Variants in GLTPD2 observed in about 807,000 individuals in gnomAD.
GLTPD2 encodes glycolipid transfer protein domain-containing protein 2.
A neutral mutation model predicts 12.9 loss-of-function variants in GLTPD2; 12 were observed. The observed-to-expected ratio is 0.93, with a 90% confidence interval of 0.59 to 1.50. The LOEUF (loss-of-function observed/expected upper bound fraction) is 1.50. Among genes scored for constraint, GLTPD2 ranks in the 40% most tolerant of loss-of-function variants. The probability of loss-of-function intolerance (pLI) is 0.00; values close to 1 mark genes in which losing one functional copy is unlikely to be tolerated. For missense variants in GLTPD2, 450 were observed against 426.2 expected (o/e 1.06, Z -0.49); for synonymous variants, 199 against 205.6 (o/e 0.97, Z 0.27).
Position 4,790,164 on chromosome 17 carries a change from G to A in GLTPD2, c.744G>A (p.Leu248=), listed in dbSNP as rs757271710. ...FLAFPGRRRL[L]ELACPGATEA... is the part of the protein sequence containing the mutation. ...CCTTCCCGGGTCGCCGCCGCCTGCT[G>A]GAGCTGGCGTGTCCCGGAGCCACCG... Residue 248 remains leucine (L), a synonymous_variant, in exon 4 of 4, where the codon CTG becomes CTA. Coordinates refer to ENST00000331264, the MANE Select transcript of GLTPD2 (RefSeq NM_001014985.3). 6.8e-7 allele frequency: 1 copy of A among 1,466,454 alleles called. No individual in the cohort carries two copies. Among genetic ancestry groups the A allele is most frequent in the South Asian group, 1.3e-5 (1 of 75,536 alleles). 90.8% of individuals were successfully genotyped at this position (1,466,454 alleles called of 1,614,324 possible).
Position 4,790,433 on chromosome 17 carries a change from C to A in GLTPD2, c.*137C>A. The A allele has an allele frequency of 1.6e-6, 1 of 630,228 alleles. No homozygotes were observed. Among genetic ancestry groups the A allele is most frequent in the Non-Finnish European group, 2.3e-6 (1 of 425,774 alleles). The allele number at this position is 630,228 out of a possible 1,614,324, so 39.0% of individuals were successfully genotyped here. A position where few individuals can be genotyped will look rare whatever the true frequency, so the allele number is the denominator to read the frequency against. On this transcript the variant is annotated 3_prime_UTR_variant, in exon 4 of 4. Coordinates refer to ENST00000331264, the MANE Select transcript of GLTPD2 (RefSeq NM_001014985.3). The stretch of plus-strand genomic sequence containing the variant: ...TCCGTGACGTCGCCGCGGCGAGGGC[C>A]GCCCCCGGCAGGGAATGGCGTTGAG...
Position 4,789,821 on chromosome 17 carries a change from C to T in GLTPD2, c.401C>T (p.Thr134Ile), listed in dbSNP as rs1370051736. The T allele has an allele frequency of 3.1e-6, 5 of 1,611,294 alleles. No individual in the cohort carries two copies. The South Asian group carries it at 4.4e-5, about 14-fold the overall frequency. ...FATREAFTKVTDLEARVHGPD... is the reference protein window; with the variant it reads ...FATREAFTKVIDLEARVHGPD... ...ACTAGGGAGGCCTTCACCAAGGTGA[C>T]AGACCTGGAGGCTCGGGTGCACGGC... Residue 134 changes from threonine to isoleucine, a missense_variant, in exon 4 of 4, where the codon ACA (threonine) becomes ATA (isoleucine). Transcript: ENST00000331264.
In GLTPD2 at chr17:4,790,405, T is replaced by A. The variant is rs1917641671; in HGVS notation, c.*109T>A. On this transcript the variant is annotated 3_prime_UTR_variant, in exon 4 of 4. Coordinates refer to ENST00000331264, the MANE Select transcript of GLTPD2 (RefSeq NM_001014985.3). The stretch of plus-strand genomic sequence containing the variant: ...GCCGCGGCCGCCTCCGTATCCCGCC[T>A]CTTCCGTGACGTCGCCGCGGCGAGG... The A allele has an allele frequency of 1.1e-6, 1 of 917,636 alleles. No homozygotes were observed. The highest frequency in any genetic ancestry group is 1.7e-5 in the African/African-American group (1 of 57,424). 56.8% of individuals were successfully genotyped at this position (917,636 alleles called of 1,614,324 possible).
chr17:4,790,038 A>G lies in GLTPD2; in HGVS notation c.618A>G (p.Gly206=), dbSNP rs113983501. 1.2e-5 allele frequency: 17 copies of G among 1,436,022 alleles called. No individual in the cohort carries two copies. Among genetic ancestry groups the G allele is most frequent in the Middle Eastern group, 2.3e-4 (1 of 4,352 alleles). 89.0% of individuals were successfully genotyped at this position (1,436,022 alleles called of 1,614,324 possible). Residue 206 remains glycine, a synonymous_variant, in exon 4 of 4, where the codon GGA becomes GGG. Transcript: ENST00000331264. ...ACCGGGTGGCGACCGGCGCGCTGGGAGGCCCGGACGCGGGCGTGCAGTGCA... is the reference window on the plus strand; with the variant it reads ...ACCGGGTGGCGACCGGCGCGCTGGGGGGCCCGGACGCGGGCGTGCAGTGCA... ...CLHRVATGAL[G]GPDAGVQCSD...
In GLTPD2 at chr17:4,790,515, A is replaced by G. The variant is rs907379202; in HGVS notation, c.*219A>G. 7.4e-6 allele frequency: 3 copies of G among 403,272 alleles called. No individual in the cohort carries two copies. The highest frequency in any genetic ancestry group is 6.4e-4 in the Middle Eastern group (1 of 1,558). The allele number at this position is 403,272 out of a possible 1,614,324, so 25.0% of individuals were successfully genotyped here. A position where few individuals can be genotyped will look rare whatever the true frequency, so the allele number is the denominator to read the frequency against. On this transcript the variant is annotated 3_prime_UTR_variant, in exon 4 of 4. Coordinates refer to ENST00000331264, the MANE Select transcript of GLTPD2 (RefSeq NM_001014985.3). ...AGGAGCTGTGAGGAATAAAAAAGCA[A>G]TATTTGGCAGCGTCGACGTAGGGCG...
In GLTPD2 at chr17:4,790,120, G is replaced by A; in HGVS notation, c.700G>A (p.Ala234Thr). The A allele has an allele frequency of 2.1e-6, 3 of 1,439,880 alleles. No individual in the cohort carries two copies. The highest frequency in any genetic ancestry group is 1.8e-6 in the Non-Finnish European group (2 of 1,106,914). 89.2% of individuals were successfully genotyped at this position (1,439,880 alleles called of 1,614,324 possible). The change falls in exon 4 of 4, where the codon GCC (alanine) becomes ACC (threonine). Residue 234 changes from alanine to threonine, a missense_variant. Physicochemically the swap from Ala to Thr is moderately conservative, Grantham distance 58. Coordinates refer to ENST00000331264, the MANE Select transcript of GLTPD2 (RefSeq NM_001014985.3). ...TCACCCCTGGCTGGTCCGACAGACC[G>A]CCCGCCTCGCCTTCCTCGCCTTCCC... ...PHHPWLVRQT[A>T]RLAFLAFPGR...
chr17:4,789,406 G>C, intron 2 of GLTPD2, 105 bp from the exon 3 acceptor site: 13 of 1,514,308 alleles, frequency 8.6e-6, no homozygotes, highest in Non-Finnish European at 1.2e-5. Context: ...ACCCTCTCCC[G>C]TCGGAAGCTG....
intron 2 of GLTPD2, 92 bp from the exon 3 acceptor site, chr17:4,789,419 C>T: frequency 6.6e-7 from 1 of 1,517,304 alleles, no homozygotes; most frequent in East Asian, 2.3e-5. Flanking sequence ...GGAAGCTGAG[C>T]GCACAGCAGA....
In GLTPD2 at chr17:4,790,436, C is replaced by T. The variant is rs1477176596; in HGVS notation, c.*140C>T. ...GTGACGTCGCCGCGGCGAGGGCCGC[C>T]CCCGGCAGGGAATGGCGTTGAGCTC... On this transcript the variant is annotated 3_prime_UTR_variant, in exon 4 of 4. Transcript: ENST00000331264. 8 of 598,504 alleles carry T rather than the reference C, an allele frequency of 1.3e-5. No individual in the cohort carries two copies. Among genetic ancestry groups the T allele is most frequent in the South Asian group, 4.3e-5 (1 of 23,292 alleles). The allele number at this position is 598,504 out of a possible 1,614,324, so 37.1% of individuals were successfully genotyped here.
intron 1 of GLTPD2, 27 bp downstream of exon 1, chr17:4,789,144 C>G (rs1443643814): frequency 1.2e-6 from 2 of 1,611,424 alleles, no homozygotes; most frequent in Non-Finnish European, 1.7e-6. Context: ...CTCACTTGCT[C>G]CGGGAGGAAG....
chr17:4,789,741 A>C lies in GLTPD2; in HGVS notation c.339-18A>C. ...TTGGCGGCTCCATCTCCATTCTCTC[A>C]AATCGTCTCGCCCGCAGGTTCCTGA... On this transcript the variant is annotated intron_variant, in intron 3 of 3. Coordinates refer to ENST00000331264, the MANE Select transcript of GLTPD2 (RefSeq NM_001014985.3). The C allele has an allele frequency of 6.2e-7, 1 of 1,613,470 alleles. No homozygotes were observed. Among genetic ancestry groups the C allele is most frequent in the East Asian group, 2.2e-5 (1 of 44,846 alleles).
rs555763333 is a variant in GLTPD2 at position 4,789,072 on chromosome 17, G to T, written c.61G>T (p.Ala21Ser). ...CTGGTTCAGCCACTCAATTCCTCTC[G>T]CTATCTTCGCGCTGCTGCTGCTTTA... Reference protein sequence around the residue: ...RHWFSHSIPLAIFALLLLYLS... With the variant: ...RHWFSHSIPLSIFALLLLYLS... The change falls in exon 1 of 4, where the codon GCT (alanine) becomes TCT (serine). Residue 21 changes from alanine (A) to serine (S), a missense_variant. Coordinates refer to ENST00000331264, the MANE Select transcript of GLTPD2 (RefSeq NM_001014985.3). The T allele has an allele frequency of 1.2e-6, 2 of 1,613,940 alleles. No individual in the cohort carries two copies. The highest frequency in any genetic ancestry group is 1.7e-6 in the Non-Finnish European group (2 of 1,179,908).
At position 4,790,570 on chromosome 17, in the gene GLTPD2, GA is replaced by G. The variant is rs757382472; in HGVS notation, c.*277del. Reference sequence around the variant, plus strand: ...GTGTGATGACGACAGGCGCTTAAGGGAAATAAAAAACGAAGGTGAGAAGATG... The same window carrying G: ...GTGTGATGACGACAGGCGCTTAAGGGAATAAAAAACGAAGGTGAGAAGATG... On this transcript the variant is annotated 3_prime_UTR_variant, in exon 4 of 4. Coordinates refer to ENST00000331264, the MANE Select transcript of GLTPD2 (RefSeq NM_001014985.3). Among the ~76,000 whole-genome samples the G allele has an allele frequency of 9.9e-5, 15 of 152,082 alleles. No individual in the cohort carries two copies. Among genetic ancestry groups the G allele is most frequent in the Non-Finnish European group, 1.6e-4 (11 of 67,998 alleles).
At position 4,790,115 on chromosome 17, in the gene GLTPD2, A is replaced by C; in HGVS notation, c.695A>C (p.Gln232Pro). 2 of 1,437,248 alleles carry C rather than the reference A, an allele frequency of 1.4e-6. No individual in the cohort carries two copies. The highest frequency in any genetic ancestry group is 1.8e-6 in the Non-Finnish European group (2 of 1,105,606). 89.0% of individuals were successfully genotyped at this position (1,437,248 alleles called of 1,614,324 possible). A position where few individuals can be genotyped will look rare whatever the true frequency, so the allele number is the denominator to read the frequency against. Residue 232 changes from glutamine to proline, a missense_variant, in exon 4 of 4, where the codon CAG (glutamine) becomes CCG (proline). Physicochemically the swap from Gln to Pro is moderately conservative, Grantham distance 76. Transcript: ENST00000331264. ...CCGCATCACCCCTGGCTGGTCCGAC[A>C]GACCGCCCGCCTCGCCTTCCTCGCC... is the stretch of plus-strand genomic sequence containing the variant. Reference protein sequence around the residue: ...LGPHHPWLVRQTARLAFLAFP... With the variant: ...LGPHHPWLVRPTARLAFLAFP...
At position 4,789,219 on chromosome 17, in the gene GLTPD2, T is replaced by C; in HGVS notation, c.107-7T>C. 1 of 1,598,188 alleles carries C rather than the reference T, an allele frequency of 6.3e-7. No individual in the cohort carries two copies. Among genetic ancestry groups the C allele is most frequent in the Non-Finnish European group, 8.5e-7 (1 of 1,171,526 alleles). Reference sequence around the variant, plus strand: ...AGCCCTCACCGCTCCGCTTCTCCTCTACCCAGGCGCCCGCTCGGGCTGCGG... The same window carrying C: ...AGCCCTCACCGCTCCGCTTCTCCTCCACCCAGGCGCCCGCTCGGGCTGCGG... On this transcript the variant is annotated splice_region_variant and splice_polypyrimidine_tract_variant and intron_variant, in intron 1 of 3. Transcript: ENST00000331264.
At position 4,789,779 on chromosome 17, in the gene GLTPD2, C is replaced by T. The variant is rs1300220377; in HGVS notation, c.359C>T (p.Ser120Phe). ...CGCAGGTTCCTGACTCCCCTCGGCTCCGTCTTCGCCTTCGCCACTAGGGAG... is the reference window on the plus strand; with the variant it reads ...CGCAGGTTCCTGACTCCCCTCGGCTTCGTCTTCGCCTTCGCCACTAGGGAG... ...ALVEFLTPLG[S>F]VFAFATREAF... Residue 120 changes from serine (S) to phenylalanine (F), a missense_variant, in exon 4 of 4, where the codon TCC becomes TTC. Coordinates refer to ENST00000331264, the MANE Select transcript of GLTPD2 (RefSeq NM_001014985.3). The T allele has an allele frequency of 6.2e-7, 1 of 1,613,294 alleles. No homozygotes were observed. Among genetic ancestry groups the T allele is most frequent in the South Asian group, 1.1e-5 (1 of 90,956 alleles).
Position 4,790,299 on chromosome 17 carries a change from C to A in GLTPD2, c.*3C>A. The A allele has an allele frequency of 2.0e-6, 3 of 1,464,118 alleles. No homozygotes were observed. The highest frequency in any genetic ancestry group is 3.0e-5 in the East Asian group (1 of 33,162). The allele number at this position is 1,464,118 out of a possible 1,614,324, so 90.7% of individuals were successfully genotyped here. A position where few individuals can be genotyped will look rare whatever the true frequency, so the allele number is the denominator to read the frequency against. On this transcript the variant is annotated 3_prime_UTR_variant, in exon 4 of 4. Coordinates refer to ENST00000331264, the MANE Select transcript of GLTPD2 (RefSeq NM_001014985.3). ...GCGGCCTGCTCCAGCTGGCCTAAGACGGCGGCTGCGGGGACCGGCGGGAAC... is the reference window on the plus strand; with the variant it reads ...GCGGCCTGCTCCAGCTGGCCTAAGAAGGCGGCTGCGGGGACCGGCGGGAAC...
At chr17:4,789,317 G>A in intron 2 of GLTPD2, 27 bp downstream of exon 2, 1 of 1,552,656 alleles carries the variant, frequency 6.4e-7, no homozygotes, top group Middle Eastern at 1.8e-4. Context: ...ATTGGGCGCG[G>A]GCGCTCCAGG....
In GLTPD2 at chr17:4,790,070, C is replaced by T. The variant is rs1194270383; in HGVS notation, c.650C>T (p.Ala217Val). The change falls in exon 4 of 4, where the codon GCC becomes GTC. Residue 217 changes from alanine (A) to valine (V), a missense_variant. Coordinates refer to ENST00000331264, the MANE Select transcript of GLTPD2 (RefSeq NM_001014985.3). ...GPDAGVQCSD[A>V]YRAALGPHHP... ...GACGCGGGCGTGCAGTGCAGCGACG[C>T]CTACCGTGCGGCCCTGGGTCCGCAT... 3 of 1,406,400 alleles carry T rather than the reference C, an allele frequency of 2.1e-6. No homozygotes were observed. The highest frequency in any genetic ancestry group is 1.6e-5 in the South Asian group (1 of 63,658). The allele number at this position is 1,406,400 out of a possible 1,614,324, so 87.1% of individuals were successfully genotyped here.
Sources: gnomAD v4.1 joint callset for allele counts (sites outside exome capture counted in the v4.1 genomes callset) on GRCh38, gnomAD v4.1.1 for gene constraint, MANE v1.5 for transcripts, NCBI Gene and HGNC (gene_info 2026-07-23, HGNC 2026-07-21) for gene names.